Variants in RNF216 observed in about 807,000 individuals in gnomAD.
The protein encoded by RNF216 is E3 ubiquitin-protein ligase RNF216.
A neutral mutation model predicts 110.8 loss-of-function variants in RNF216; 72 were observed. That is an observed-to-expected ratio of 0.65 (90% CI 0.54 to 0.79). The LOEUF is 0.79. Ranked by LOEUF, RNF216 falls within the 30% of genes least tolerant of loss-of-function variation. The pLI, the probability that RNF216 is intolerant of heterozygous loss-of-function variation, is 0.00. For synonymous variants in RNF216, 495 were observed against 407.5 expected (o/e 1.21, Z -2.59); for missense variants, 1,342 against 1,141.2 (o/e 1.18, Z -2.54).
At chr7:5,708,794 C>T (rs759946689) in intron 13 of RNF216, among the ~76,000 whole-genome samples, 17 of 152,102 alleles carry the variant, frequency 1.1e-4, no homozygotes, top group Non-Finnish European at 2.1e-4. Context: ...TTGGGTTCTG[C>T]CAGCAGTGAG....
intron 11 of RNF216, among the ~76,000 whole-genome samples, chr7:5,713,703 AAT>A (rs1562420398): frequency 1.3e-5 from 2 of 152,264 alleles, no homozygotes; most frequent in African/African-American, 4.8e-5. Flanking sequence ...AGACATGAGG[AAT>A]GCTTCCCACA....
At chr7:5,745,040 T>C (rs1184862700) in intron 3 of RNF216, among the ~76,000 whole-genome samples, 1 of 150,520 alleles carries the variant, frequency 6.6e-6, no homozygotes, top group African/African-American at 2.4e-5. Flanking sequence ...TATAAAAAAA[T>C]AAACATGTCA....
intron 5 of RNF216, among the ~76,000 whole-genome samples, chr7:5,732,776 C>T (rs1258407451): frequency 6.6e-6 from 1 of 152,210 alleles, no homozygotes; most frequent in Non-Finnish European, 1.5e-5. Context: ...GGACTTCAAT[C>T]TGCCCACCTC....
intron 15 of RNF216, among the ~76,000 whole-genome samples, chr7:5,627,919 G>GATTT (rs1230934385): frequency 6.6e-6 from 1 of 152,140 alleles, no homozygotes; most frequent in Admixed American, 6.5e-5. Context: ...AAGCTTCCGT[G>GATTT]ATAAATCCCA....
chr7:5,704,028 C>T (rs1344309868), intron 13 of RNF216, among the ~76,000 whole-genome samples: 4 of 152,160 alleles, frequency 2.6e-5, no homozygotes, highest in African/African-American at 9.7e-5. Flanking sequence ...AAGCAGCACA[C>T]TGAAAACAAA....
At chr7:5,754,301 G>GCACACTACTTTGAACAGTTA (rs1413034008) in intron 2 of RNF216, among the ~76,000 whole-genome samples, 1 of 151,790 alleles carries the variant, frequency 6.6e-6, no homozygotes, top group African/African-American at 2.4e-5. Context: ...GACAACAGGT[G>GCACACTACTTTGAACAGTTA]CACACTACTT....
At chr7:5,737,127 G>A (rs1007714434) in intron 5 of RNF216, among the ~76,000 whole-genome samples, 5 of 152,260 alleles carry the variant, frequency 3.3e-5, no homozygotes, top group African/African-American at 1.2e-4. Context: ...TTGTTGCTGT[G>A]TCTGTGTAGA....
At chr7:5,658,776 TGTTAC>T (rs1279470072) in intron 13 of RNF216, among the ~76,000 whole-genome samples, 11 of 152,226 alleles carry the variant, frequency 7.2e-5, no homozygotes, top group African/African-American at 2.4e-4. Context: ...TGCCATGTTA[TGTTAC>T]AACAGTAGCA....
chr7:5,728,844 G>A (rs910567874), intron 7 of RNF216, among the ~76,000 whole-genome samples: 4 of 152,184 alleles, frequency 2.6e-5, no homozygotes, highest in African/African-American at 7.2e-5. Flanking sequence ...TGGTGCGTGC[G>A]CTCCTGTTCT....
intron 15 of RNF216, among the ~76,000 whole-genome samples, chr7:5,638,613 G>A (rs1317469455): frequency 6.6e-6 from 1 of 151,110 alleles, no homozygotes; most frequent in East Asian, 2.0e-4. Flanking sequence ...AACAGATTGT[G>A]GCCAGGTAGA....
intron 13 of RNF216, among the ~76,000 whole-genome samples, chr7:5,653,807 T>C (rs1336533440): frequency 6.6e-6 from 1 of 151,382 alleles, no homozygotes; most frequent in Non-Finnish European, 1.5e-5. Context: ...CAACGATGAA[T>C]AGGGCGGCGA....
rs3801011 is a variant in RNF216, at chr7:5,696,347, C to A, written c.2061+15414G>T. Among the ~76,000 whole-genome samples, 3 of 152,336 alleles carry A rather than the reference C, an allele frequency of 2.0e-5. No individual in the cohort carries two copies. Among genetic ancestry groups the A allele is most frequent in the Non-Finnish European group, 2.9e-5 (2 of 68,040 alleles). On this transcript the variant is annotated intron_variant, in intron 13 of 16. Coordinates refer to ENST00000389902, the MANE Select transcript of RNF216 (RefSeq NM_207111.4). This position sits in a 1 kb window ranked among gnomAD's most constrained non-coding sequence, Gnocchi z 5.4. ...CTGAGTGAGAGAAATTAAGCTTATT[C>A]GACATGCCTTCGGCTGGAAAACAAG...
At chr7:5,738,295 A>C (rs2128650354) in intron 5 of RNF216, among the ~76,000 whole-genome samples, 1 of 152,232 alleles carries the variant, frequency 6.6e-6, no homozygotes, top group South Asian at 2.1e-4. Context: ...AGCGTAACAC[A>C]GCTCACTGCA....
chr7:5,768,925 T>C (rs543623277), intron 1 of RNF216, among the ~76,000 whole-genome samples: 1 of 152,046 alleles, frequency 6.6e-6, no homozygotes, highest in Non-Finnish European at 1.5e-5. Context: ...CCTCCCAAAG[T>C]GCTGGGATTA....
At chr7:5,768,215 C>T (rs1220265271) in intron 1 of RNF216, among the ~76,000 whole-genome samples, 1 of 150,150 alleles carries the variant, frequency 6.7e-6, no homozygotes, top group Non-Finnish European at 1.5e-5. Flanking sequence ...CTTTGGGAGG[C>T]TGAAGCAGGA....
chr7:5,686,986 G>A (rs1351010419), intron 13 of RNF216, among the ~76,000 whole-genome samples: 2 of 152,206 alleles, frequency 1.3e-5, no homozygotes, highest in Non-Finnish European at 2.9e-5. Flanking sequence ...CCTGGGGATG[G>A]GGACTGGGGA....
At chr7:5,664,460 T>G (rs1254395726) in intron 13 of RNF216, among the ~76,000 whole-genome samples, 1 of 152,224 alleles carries the variant, frequency 6.6e-6, no homozygotes, top group Non-Finnish European at 1.5e-5. Flanking sequence ...ACTGCATATG[T>G]TTCAATTAGG....
Position 5,729,591 on chromosome 7 carries a change from A to G in RNF216, c.1230T>C (p.Pro410=). Residue 410 remains proline, a synonymous_variant, in exon 7 of 17, where the codon CCT becomes CCC. Transcript: ENST00000389902. ...LLASQDETKL[P]KIDFFDYSKL... ...TAGAATAGTCAAAAAAGTCTATTTT[A>G]GGCAACTGAAATGAGAGAGAAGCAT... The G allele has an allele frequency of 6.2e-7, 1 of 1,613,834 alleles. No homozygotes were observed. Among genetic ancestry groups the G allele is most frequent in the East Asian group, 2.2e-5 (1 of 44,886 alleles).
rs369415799 is a variant in RNF216, at chr7:5,730,673, C to T, written c.1224+42G>A. ...CAACAACAACAACAACAAAGCACAG[C>T]ATTTCCAGGCAGTGACTGCAAAACA... On this transcript the variant is annotated intron_variant, in intron 6 of 16. Transcript: ENST00000389902. The T allele has an allele frequency of 1.2e-4, 198 of 1,597,984 alleles. 1 individual carries two copies. In the Middle Eastern group the frequency reaches 3.0e-3, roughly 24 times the overall value.
Sources: gnomAD v4.1 joint callset for allele counts (sites outside exome capture counted in the v4.1 genomes callset) on GRCh38, gnomAD v4.1.1 for gene constraint, Gnocchi (gnomAD v3.1) non-coding constraint, MANE v1.5 for transcripts, NCBI Gene and HGNC (gene_info 2026-07-23, HGNC 2026-07-21) for gene names.